The following COLGALT2 variants were observed in gnomAD, a reference collection of about 807,000 sequenced individuals.
COLGALT2 encodes the protein collagen beta(1-O)galactosyltransferase 2.
COLGALT2 carries 49 observed loss-of-function variants against 73.4 expected under a neutral mutation model. That is an observed-to-expected ratio of 0.67 (90% CI 0.53 to 0.85). The LOEUF (loss-of-function observed/expected upper bound fraction) is 0.85. COLGALT2 is among the 40% of genes least tolerant of loss of function. The pLI is 0.00. For synonymous variants in COLGALT2, 295 were observed against 307.6 expected (o/e 0.96, Z 0.43); for missense variants, 722 against 790.2 (o/e 0.91, Z 1.03).
At chr1:183,962,606 T>C (rs938638703) in intron 6 of COLGALT2, among the ~76,000 whole-genome samples, 1 of 152,154 alleles carries the variant, frequency 6.6e-6, no homozygotes, top group Non-Finnish European at 1.5e-5. Flanking sequence ...CTCTTGGCTA[T>C]GTCCTTTCAA....
At chr1:183,988,484 A>G (rs1465931460) in intron 1 of COLGALT2, among the ~76,000 whole-genome samples, 1 of 152,178 alleles carries the variant, frequency 6.6e-6, no homozygotes. Flanking sequence ...CCCTACATGC[A>G]TTAGCAGTCA....
chr1:183,988,137 GAGAA>G (rs1189198706), intron 1 of COLGALT2, among the ~76,000 whole-genome samples: 1 of 152,116 alleles, frequency 6.6e-6, no homozygotes, highest in Non-Finnish European at 1.5e-5. Flanking sequence ...CATCTTCCAT[GAGAA>G]AGAAAAGACA....
intron 10 of COLGALT2, 107 bp downstream of exon 10, chr1:183,944,089 G>T: frequency 7.9e-7 from 1 of 1,264,764 alleles, no homozygotes; most frequent in South Asian, 1.8e-5. Context: ...TAGATAAGTG[G>T]AAGCTTAAGC....
intron 1 of COLGALT2, among the ~76,000 whole-genome samples, chr1:183,982,353 C>G (rs865838037): frequency 6.6e-6 from 1 of 152,132 alleles, no homozygotes; most frequent in Non-Finnish European, 1.5e-5. Flanking sequence ...AAAAGTGCAA[C>G]GTCAGCAAAA....
intron 5 of COLGALT2, among the ~76,000 whole-genome samples, chr1:183,967,461 T>C (rs1348427252): frequency 2.0e-5 from 3 of 152,196 alleles, no homozygotes; most frequent in Non-Finnish European, 4.4e-5. Context: ...AAAAGCCTTT[T>C]CAAAGTCTGA....
chr1:183,930,526 C>G (rs1669820858), intron 11 of COLGALT2, among the ~76,000 whole-genome samples: 1 of 150,932 alleles, frequency 6.6e-6, no homozygotes, highest in African/African-American at 2.4e-5. Context: ...GTAGCTGGGA[C>G]TACATCCGCA....
intron 1 of COLGALT2, among the ~76,000 whole-genome samples, chr1:184,032,224 G>C (rs1480213053): frequency 6.6e-6 from 1 of 152,034 alleles, no homozygotes; most frequent in South Asian, 2.1e-4. Flanking sequence ...AATATTTTTT[G>C]TTGTTGTTGG....
chr1:183,972,366 C>A (rs765050558), intron 4 of COLGALT2, among the ~76,000 whole-genome samples: 4 of 152,112 alleles, frequency 2.6e-5, no homozygotes, highest in Non-Finnish European at 5.9e-5. Context: ...CCTCAGCTTC[C>A]CAAAGTGTTG....
At chr1:183,991,399 T>C (rs767233052) in intron 1 of COLGALT2, among the ~76,000 whole-genome samples, 1 of 152,176 alleles carries the variant, frequency 6.6e-6, no homozygotes, top group Non-Finnish European at 1.5e-5. Context: ...TGTTTCCCCA[T>C]TGAGAAAGCT....
At chr1:183,957,567 C>A (rs1670586080) in intron 6 of COLGALT2, among the ~76,000 whole-genome samples, 1 of 152,170 alleles carries the variant, frequency 6.6e-6, no homozygotes. Flanking sequence ...ACCCACTATG[C>A]CTGGGCTGTT....
intron 1 of COLGALT2, among the ~76,000 whole-genome samples, chr1:184,031,816 T>TATCCATCC (rs1234534628): frequency 9.1e-6 from 1 of 109,334 alleles, no homozygotes; most frequent in Non-Finnish European, 1.9e-5. Context: ...TCCATGAATG[T>TATCCATCC]ATCCTTCCTT....
intron 4 of COLGALT2, among the ~76,000 whole-genome samples, chr1:183,971,103 G>A (rs902701202): frequency 6.6e-6 from 1 of 152,182 alleles, no homozygotes; most frequent in African/African-American, 2.4e-5. Context: ...TGTGCCTCCT[G>A]CAAAGAGGCA....
At position 183,994,026 on chromosome 1, in the gene COLGALT2, C is replaced by CTTTTTTTTTTTTTTTTT. The variant is rs869129633; in HGVS notation, c.264-15523_264-15507dup. 7.1e-5 allele frequency among the ~76,000 whole-genome samples: 5 copies of CTTTTTTTTTTTTTTTTT among 70,028 alleles called. 1 individual carries two copies. Among genetic ancestry groups the CTTTTTTTTTTTTTTTTT allele is most frequent in the Non-Finnish European group, 8.1e-5 (3 of 37,150 alleles). 45.9% of individuals were successfully genotyped at this position (70,028 alleles called of 152,430 possible). A position where few individuals can be genotyped will look rare whatever the true frequency, so the allele number is the denominator to read the frequency against. Reference sequence around the variant, plus strand: ...GTCACACTCATTTTCTCTTGTAATTCTTTTTTTTTTTTTTTTTTTTTTTTT... The same window carrying CTTTTTTTTTTTTTTTTT: ...GTCACACTCATTTTCTCTTGTAATTCTTTTTTTTTTTTTTTTTTTTTTTTTTTTTTTTTTTTTTTTTT... On this transcript the variant is annotated intron_variant, in intron 1 of 11. Coordinates refer to ENST00000361927, the MANE Select transcript of COLGALT2 (RefSeq NM_015101.4).
intron 1 of COLGALT2, among the ~76,000 whole-genome samples, chr1:183,992,064 T>C (rs1245627594): frequency 5.3e-5 from 8 of 152,062 alleles, no homozygotes. Flanking sequence ...AGAGCAAACC[T>C]CAGCTAAGTG....
chr1:183,951,513 A>G (rs1670401719), intron 7 of COLGALT2, among the ~76,000 whole-genome samples: 1 of 152,204 alleles, frequency 6.6e-6, no homozygotes, highest in Non-Finnish European at 1.5e-5. Flanking sequence ...TGCAAGATAC[A>G]AAGTCAACGC....
Position 183,945,759 on chromosome 1 carries a change from G to C in COLGALT2, c.1137-195C>G. 3 of 613,798 alleles carry C rather than the reference G, an allele frequency of 4.9e-6. No individual in the cohort carries two copies. The East Asian group carries it at 8.5e-5, about 17-fold the overall frequency. The allele number at this position is 613,798 out of a possible 1,614,324, so 38.0% of individuals were successfully genotyped here. The stretch of plus-strand genomic sequence containing the variant: ...TTATGAGGTCTGGGAAGACAAGAGG[G>C]TATCATATTTTTGTGTATCCCTCAT... On this transcript the variant is annotated intron_variant, in intron 8 of 11. Transcript: ENST00000361927.
chr1:183,986,767 A>G (rs948370896), intron 1 of COLGALT2, among the ~76,000 whole-genome samples: 1 of 152,196 alleles, frequency 6.6e-6, no homozygotes, highest in Non-Finnish European at 1.5e-5. Flanking sequence ...GTTACTCATT[A>G]TCTTTATTTC....
At position 183,937,347 on chromosome 1, in the gene COLGALT2, C is replaced by T; in HGVS notation, c.*1414G>A. On this transcript the variant is annotated 3_prime_UTR_variant, in exon 12 of 12. Coordinates refer to ENST00000361927, the MANE Select transcript of COLGALT2 (RefSeq NM_015101.4). ...AGAACATAAACTTGAGGGAAACCAC[C>T]ATGATCTATACTAGGATGACAGATT... The T allele has an allele frequency of 9.7e-7, 1 of 1,028,618 alleles. No individual in the cohort carries two copies. The highest frequency in any genetic ancestry group is 1.2e-6 in the Non-Finnish European group (1 of 858,944). 63.7% of individuals were successfully genotyped at this position (1,028,618 alleles called of 1,614,324 possible).
At chr1:183,986,379 T>C (rs1034872440) in intron 1 of COLGALT2, among the ~76,000 whole-genome samples, 4 of 152,222 alleles carry the variant, frequency 2.6e-5, no homozygotes, top group Admixed American at 2.6e-4. Flanking sequence ...AATTAATGTT[T>C]ATACTTCCTC....
Sources: allele counts gnomAD v4.1 joint callset (sites outside exome capture counted in the v4.1 genomes callset), GRCh38; gene constraint gnomAD v4.1.1; transcripts MANE v1.5; gene names NCBI Gene and HGNC (gene_info 2026-07-23, HGNC 2026-07-21).